Variants in CTNNA3 observed in about 807,000 individuals in gnomAD.
CTNNA3 encodes catenin alpha 3.
In CTNNA3, 76 loss-of-function variants were observed where a neutral mutation model predicts 95.7. That is an observed-to-expected ratio of 0.79 (90% CI 0.66 to 0.96). CTNNA3 has a LOEUF of 0.96. Ranked by LOEUF, CTNNA3 falls within the 40% of genes least tolerant of loss-of-function variation. CTNNA3 has a pLI of 0.00. For missense variants in CTNNA3, 1,191 were observed against 1,089.8 expected (o/e 1.09, Z -1.31); for synonymous variants, 431 against 374.4 (o/e 1.15, Z -1.74).
intron 5 of CTNNA3, among the ~76,000 whole-genome samples, chr10:67,348,075 C>T (rs1261625464): frequency 7.2e-5 from 11 of 152,102 alleles, no homozygotes; most frequent in African/African-American, 2.7e-4. Flanking sequence ...GTCTCTTCAA[C>T]AAATGGTGTA....
chr10:66,142,053 T>A (rs905877642), intron 13 of CTNNA3, among the ~76,000 whole-genome samples: 5 of 152,180 alleles, frequency 3.3e-5, no homozygotes, highest in Non-Finnish European at 7.4e-5. Flanking sequence ...GGATCGTGGC[T>A]TTGGTGTTGT....
At chr10:66,416,534 A>G (rs2093147335) in intron 11 of CTNNA3, among the ~76,000 whole-genome samples, 1 of 130,312 alleles carries the variant, frequency 7.7e-6, no homozygotes, top group Non-Finnish European at 1.6e-5. Flanking sequence ...CATGAAAAAT[A>G]GAGAATTTTT....
At chr10:66,254,469 A>C (rs7079510) in intron 13 of CTNNA3, among the ~76,000 whole-genome samples, 10,655 of 152,192 alleles carry the variant, frequency 0.07, 692 homozygotes, top group African/African-American at 0.17. Context: ...CCCACTTTAA[A>C]GTCCATAAAA....
At chr10:66,914,460 G>A (rs1404582929) in intron 7 of CTNNA3, among the ~76,000 whole-genome samples, 1 of 150,668 alleles carries the variant, frequency 6.6e-6, no homozygotes, top group Non-Finnish European at 1.5e-5. Flanking sequence ...GTAGAGAAAC[G>A]CCTCCAACAT....
At chr10:66,889,406 A>G (rs1845171656) in intron 7 of CTNNA3, among the ~76,000 whole-genome samples, 1 of 152,220 alleles carries the variant, frequency 6.6e-6, no homozygotes, top group Non-Finnish European at 1.5e-5. Context: ...AGGTTCAGCA[A>G]TTGTAACAAG....
rs547132074 is a variant in CTNNA3, at chr10:66,830,695, C to T, written c.1048-55171G>A. Among the ~76,000 whole-genome samples the T allele has an allele frequency of 3.2e-3, 488 of 151,996 alleles. 2 individuals are homozygous for T. Among genetic ancestry groups the T allele is most frequent in the African/African-American group, 0.011 (448 of 41,454 alleles). On this transcript the variant is annotated intron_variant, in intron 7 of 17. Coordinates refer to ENST00000433211, the MANE Select transcript of CTNNA3 (RefSeq NM_013266.4). ...TGCGATCTCGGCTCACCGCAAGCTCCGCCTCCTGGGTTCCCGCCATTCTCC... is the reference window on the plus strand; with the variant it reads ...TGCGATCTCGGCTCACCGCAAGCTCTGCCTCCTGGGTTCCCGCCATTCTCC...
chr10:66,231,677 T>C (rs1462826), intron 13 of CTNNA3, among the ~76,000 whole-genome samples: 32,554 of 152,142 alleles, frequency 0.21, 3,668 homozygotes, highest in South Asian at 0.29. Context: ...TGGGTATATA[T>C]TTTAAATTAA....
rs565778568 is a variant in CTNNA3, at chr10:66,951,007, T to C, written c.1048-175483A>G. ...TTCCTCTGAATAGATGGTATGCTTA[T>C]TTAAATACAAGACAAGTCATTTTGC... On this transcript the variant is annotated intron_variant, in intron 7 of 17. Coordinates refer to ENST00000433211, the MANE Select transcript of CTNNA3 (RefSeq NM_013266.4). Among the ~76,000 whole-genome samples the C allele has an allele frequency of 2.1e-3, 324 of 152,298 alleles. 3 individuals are homozygous for C. Among genetic ancestry groups the C allele is most frequent in the African/African-American group, 7.6e-3 (317 of 41,570 alleles).
chr10:67,479,872 C>A (rs541944929), intron 5 of CTNNA3, among the ~76,000 whole-genome samples: 3 of 152,054 alleles, frequency 2.0e-5, no homozygotes, highest in African/African-American at 4.8e-5. Context: ...GAAAGAAGAT[C>A]CAAATAAGTG....
intron 3 of CTNNA3, among the ~76,000 whole-genome samples, chr10:67,562,616 A>G (rs1298763317): frequency 6.6e-6 from 1 of 152,148 alleles, no homozygotes; most frequent in Non-Finnish European, 1.5e-5. Flanking sequence ...CCTATTCAAC[A>G]TAGTGTTGGA....
At chr10:67,393,138 G>T (rs931722558) in intron 5 of CTNNA3, among the ~76,000 whole-genome samples, 14 of 152,110 alleles carry the variant, frequency 9.2e-5, no homozygotes, top group African/African-American at 2.9e-4. Flanking sequence ...CAGACCTGCA[G>T]TATGGACTTC....
intron 5 of CTNNA3, among the ~76,000 whole-genome samples, chr10:67,348,055 G>A (rs1411684987): frequency 6.6e-6 from 1 of 152,056 alleles, no homozygotes; most frequent in Non-Finnish European, 1.5e-5. Flanking sequence ...TACACAATGG[G>A]GAAAGGATAG....
chr10:66,189,206 A>T (rs2086514759), intron 13 of CTNNA3, among the ~76,000 whole-genome samples: 1 of 151,586 alleles, frequency 6.6e-6, no homozygotes, highest in Non-Finnish European at 1.5e-5. Flanking sequence ...TTTGCTGTGC[A>T]GAAGCTTTTT....
chr10:66,178,041 T>G (rs1407896270), intron 13 of CTNNA3, among the ~76,000 whole-genome samples: 1 of 151,876 alleles, frequency 6.6e-6, no homozygotes, highest in Non-Finnish European at 1.5e-5. Context: ...TTATTTTTAA[T>G]GATATGATAC....
chr10:66,358,691 TC>T (rs2092630224), intron 12 of CTNNA3, among the ~76,000 whole-genome samples: 2 of 152,190 alleles, frequency 1.3e-5, no homozygotes, highest in Non-Finnish European at 2.9e-5. Context: ...ACCTAAAGTA[TC>T]TTTGCAATCA....
intron 15 of CTNNA3, among the ~76,000 whole-genome samples, chr10:66,012,094 T>C (rs1166894226): frequency 6.6e-6 from 1 of 152,220 alleles, no homozygotes; most frequent in Non-Finnish European, 1.5e-5. Flanking sequence ...TATTAATTTA[T>C]TCATTAAATT....
intron 5 of CTNNA3, among the ~76,000 whole-genome samples, chr10:67,469,977 T>G (rs1847754527): frequency 6.6e-6 from 1 of 152,208 alleles, no homozygotes; most frequent in African/African-American, 2.4e-5. Context: ...TTTTTAAATG[T>G]ACAATTAAAT....
intron 9 of CTNNA3, among the ~76,000 whole-genome samples, chr10:66,732,291 C>G (rs1043042936): frequency 1.3e-5 from 2 of 152,310 alleles, no homozygotes; most frequent in East Asian, 1.9e-4. Context: ...AGACCTCTCT[C>G]TCTCTGTAAA....
At chr10:66,230,852 G>A (rs1440169576) in intron 13 of CTNNA3, among the ~76,000 whole-genome samples, 1 of 152,142 alleles carries the variant, frequency 6.6e-6, no homozygotes. Context: ...ATAGAGCTCT[G>A]CCTGGGCTCT....
Sources: gnomAD v4.1 joint callset for allele counts (sites outside exome capture counted in the v4.1 genomes callset) on GRCh38, gnomAD v4.1.1 for gene constraint, MANE v1.5 for transcripts, NCBI Gene and HGNC (gene_info 2026-07-23, HGNC 2026-07-21) for gene names.